The following LGALS3 variants were observed in gnomAD, a reference collection of about 807,000 sequenced individuals.
The protein encoded by LGALS3 is galectin 3, also known as galectin-3.
In LGALS3, 18 loss-of-function variants were observed where a neutral mutation model predicts 20.7. The ratio of observed to expected loss-of-function variants is 0.87; its 90% CI spans 0.60 to 1.29. LGALS3 has a LOEUF of 1.29. Among genes scored for constraint, LGALS3 ranks in the 50% most tolerant of loss-of-function variants. The probability of loss-of-function intolerance (pLI) is 0.00; values close to 1 mark genes in which losing one functional copy is unlikely to be tolerated. For synonymous variants in LGALS3, 112 were observed against 119.6 expected, an observed-to-expected ratio of 0.94 and a Z score of 0.42; for missense variants, 315 against 314.7, an observed-to-expected ratio of 1.00 and a Z score of -0.01.
chr14:55,142,921 G>A (rs1044041564), intron 5 of LGALS3, among the ~76,000 whole-genome samples, 172 bp downstream of exon 5: 1 of 152,146 alleles, frequency 6.6e-6, no homozygotes, highest in Non-Finnish European at 1.5e-5. Flanking sequence ...ACATGGCCAG[G>A]AGTGGCACAC....
chr14:55,138,144 T>C lies in LGALS3; in HGVS notation c.118T>C (p.Ser40Pro). 1 of 1,586,454 alleles carries C rather than the reference T, an allele frequency of 6.3e-7. No individual in the cohort carries two copies. Among genetic ancestry groups the C allele is most frequent in the Non-Finnish European group, 8.6e-7 (1 of 1,169,182 alleles). ...PAGAGGYPGA[S>P]YPGAYPGQAP... is the part of the protein sequence containing the mutation. ...TGGGGCAGGGGGCTACCCAGGGGCT[T>C]CCTATCCTGGGGCCTACCCCGGGCA... The change falls in exon 3 of 6, where the codon TCC (serine) becomes CCC (proline). Residue 40 changes from serine (S) to proline (P), a missense_variant. Coordinates refer to ENST00000254301, the MANE Select transcript of LGALS3 (RefSeq NM_002306.4).
At chr14:55,143,741 G>A (rs1377780116) in intron 5 of LGALS3, 1 of 153,552 alleles carries the variant, frequency 6.5e-6, no homozygotes, top group African/African-American at 2.4e-5. Flanking sequence ...TTCATTTTTA[G>A]ATATGTGATA....
intron 4 of LGALS3, 77 bp from the exon 5 acceptor site, chr14:55,142,507 A>G: frequency 7.9e-7 from 1 of 1,261,456 alleles, no homozygotes; most frequent in East Asian, 2.4e-5. Context: ...TTTGCTTTTT[A>G]GAAAATTACA....
chr14:55,142,091 C>T (rs150106586), intron 4 of LGALS3, among the ~76,000 whole-genome samples: 8 of 152,300 alleles, frequency 5.3e-5, no homozygotes, highest in Admixed American at 3.9e-4. Flanking sequence ...CTCATTCTTG[C>T]TGTTTTAGAG....
At chr14:55,130,763 G>A (rs984560578) in intron 1 of LGALS3, among the ~76,000 whole-genome samples, 2 of 149,522 alleles carry the variant, frequency 1.3e-5, no homozygotes, top group Non-Finnish European at 3.0e-5. Context: ...TGGGGGGGGG[G>A]GGGTCCCTCC....
chr14:55,140,850 T>C (rs1282809944), intron 4 of LGALS3, among the ~76,000 whole-genome samples: 2 of 152,174 alleles, frequency 1.3e-5, no homozygotes, highest in African/African-American at 2.4e-5. Flanking sequence ...ATTGATGAGG[T>C]GGGCTAGGAT....
intron 1 of LGALS3, among the ~76,000 whole-genome samples, chr14:55,132,719 C>A (rs957986266): frequency 6.6e-6 from 1 of 152,096 alleles, no homozygotes; most frequent in Non-Finnish European, 1.5e-5. Flanking sequence ...AGGCGCCCAC[C>A]ACCACACCTG....
At chr14:55,137,919 T>G (rs1421247873) in intron 2 of LGALS3, 126 bp from the exon 3 acceptor site, 1 of 1,346,708 alleles carries the variant, frequency 7.4e-7, no homozygotes, top group Non-Finnish European at 9.6e-7. Flanking sequence ...GGAAAAAGTT[T>G]AATGATATGC....
At chr14:55,137,485 T>G in intron 2 of LGALS3, 94 bp downstream of exon 2, 1 of 1,613,048 alleles carries the variant, frequency 6.2e-7, no homozygotes, top group Non-Finnish European at 8.5e-7. Context: ...CTTTTCACTC[T>G]CCCACTGCGT....
At chr14:55,130,589 C>T (rs1881198910) in intron 1 of LGALS3, among the ~76,000 whole-genome samples, 1 of 143,078 alleles carries the variant, frequency 7.0e-6, no homozygotes, top group Admixed American at 7.0e-5. Flanking sequence ...GACGCAGTTT[C>T]GCTCTTGTTG....
chr14:55,135,560 G>GTTTTTTTTTTTTTTT (rs762172869), intron 1 of LGALS3, among the ~76,000 whole-genome samples: 2 of 106,560 alleles, frequency 1.9e-5, no homozygotes, highest in African/African-American at 4.2e-5. Flanking sequence ...ATATTTTATG[G>GTTTTTTTTTTTTTTT]TTTTTTTTTT....
Position 55,145,271 on chromosome 14 carries a change from A to C in LGALS3, c.753A>C (p.Ter251TyrextTer41). ...CCAGTGCTTCATATACCATGATATAATCTGAAAGGGGCAGATTAAAAAAAA... is the reference window on the plus strand; with the variant it reads ...CCAGTGCTTCATATACCATGATATACTCTGAAAGGGGCAGATTAAAAAAAA... ...DLTSASYTMI[*>Y] is the part of the protein sequence containing the mutation. The change falls in exon 6 of 6, where the codon TAA becomes TAC. Residue 251 changes from the stop codon to tyrosine, a stop_lost. Transcript: ENST00000254301. The C allele has an allele frequency of 2.5e-6, 4 of 1,613,248 alleles. No homozygotes were observed. The highest frequency in any genetic ancestry group is 3.4e-6 in the Non-Finnish European group (4 of 1,179,658).
intron 5 of LGALS3, among the ~76,000 whole-genome samples, chr14:55,144,686 C>A (rs912709055): frequency 1.3e-5 from 2 of 152,204 alleles, no homozygotes; most frequent in African/African-American, 4.8e-5. Context: ...GCCTCAGCCT[C>A]CCAAGTAGCT....
At chr14:55,136,927 C>G (rs1881414975) in intron 1 of LGALS3, among the ~76,000 whole-genome samples, 1 of 151,334 alleles carries the variant, frequency 6.6e-6, no homozygotes, top group Non-Finnish European at 1.5e-5. Context: ...ATGGCCTATT[C>G]ATCTTCACAC....
intron 5 of LGALS3, among the ~76,000 whole-genome samples, chr14:55,144,848 G>C (rs1019906661): frequency 6.6e-6 from 1 of 152,240 alleles, no homozygotes; most frequent in African/African-American, 2.4e-5. Flanking sequence ...ACAGGCGTGA[G>C]CCACCCCGCC....
In LGALS3 at chr14:55,137,522, T is replaced by C. The variant is rs74050920; in HGVS notation, c.18+131T>C. 0.018 allele frequency: 28,038 copies of C among 1,591,532 alleles called. 1,859 individuals are homozygous for C. The African/African-American group carries it at 0.21, about 12-fold the overall frequency. On this transcript the variant is annotated intron_variant, in intron 2 of 5. Transcript: ENST00000254301. ...GCTTCCCCTGGACTCATTTGTCCAA[T>C]GAGGGCTTGCAAGCTGGAGCCTTGT... is the stretch of plus-strand genomic sequence containing the variant.
chr14:55,135,710 A>G (rs923383834), intron 1 of LGALS3, among the ~76,000 whole-genome samples: 2 of 151,902 alleles, frequency 1.3e-5, no homozygotes, highest in African/African-American at 4.8e-5. Flanking sequence ...GAACACAGGC[A>G]TGCGCCACCA....
intron 3 of LGALS3, 119 bp from the exon 4 acceptor site, chr14:55,140,156 C>T: frequency 3.1e-6 from 2 of 639,514 alleles, no homozygotes; most frequent in Non-Finnish European, 5.6e-6. Flanking sequence ...GGACAGATGG[C>T]ATATACTAGA....
At chr14:55,130,161 G>T (rs969261739) in intron 1 of LGALS3, among the ~76,000 whole-genome samples, 1 of 152,238 alleles carries the variant, frequency 6.6e-6, no homozygotes, top group Non-Finnish European at 1.5e-5. Context: ...AGCCCTACCG[G>T]GGGGCTTTCA....
Sources: gnomAD v4.1 joint callset for allele counts (sites outside exome capture counted in the v4.1 genomes callset) on GRCh38, gnomAD v4.1.1 for gene constraint, MANE v1.5 for transcripts, NCBI Gene and HGNC (gene_info 2026-07-23, HGNC 2026-07-21) for gene names.